The following GPATCH2L variants were observed in gnomAD, a reference collection of about 807,000 sequenced individuals.
The protein encoded by GPATCH2L is G-patch domain containing 2 like, also known as G patch domain-containing protein 2-like.
In GPATCH2L, 31 loss-of-function variants were observed where a neutral mutation model predicts 57.4. That is an observed-to-expected ratio of 0.54 (90% CI 0.41 to 0.73). The LOEUF (loss-of-function observed/expected upper bound fraction) is 0.73. Among genes scored for constraint, GPATCH2L ranks in the 30% least tolerant of loss-of-function variants. GPATCH2L has a pLI of 0.00. For missense variants in GPATCH2L, 481 were observed against 599.9 expected, an observed-to-expected ratio of 0.80 and a Z score of 2.07; for synonymous variants, 199 against 210.7, an observed-to-expected ratio of 0.94 and a Z score of 0.48.
chr14:76,170,707 A>C (rs1330500485), intron 3 of GPATCH2L: 1 of 152,220 alleles, frequency 6.6e-6, no homozygotes, highest in Non-Finnish European at 1.5e-5. Context: ...AAAGGCAAAT[A>C]TAGCAAGAAA....
At chr14:76,192,609 G>A (rs1308025800) in intron 8 of GPATCH2L, among the ~76,000 whole-genome samples, 3 of 152,052 alleles carry the variant, frequency 2.0e-5, no homozygotes, top group African/African-American at 7.2e-5. Context: ...GATAGGACTT[G>A]GCTATAAGAT....
In GPATCH2L at chr14:76,154,959, G is replaced by A; in HGVS notation, c.596G>A (p.Arg199Lys). The part of the protein sequence containing the change: ...ENRTFLSKTG[R>K]KERMECETDE... ...AGGACTTTCCTAAGCAAAACAGGAA[G>A]GAAAGAAAGGATGGAGTGTGAAACA... Residue 199 changes from arginine (R) to lysine (K), a missense_variant, in exon 2 of 10, where the codon AGG becomes AAG. Around this residue, in one of 3 missense-constraint regions of GPATCH2L, gnomAD observed 208 missense variants for 272.4 expected, o/e 0.76. Transcript: ENST00000261530. The surrounding 1 kb of genome is among the most constrained non-coding windows in gnomAD (Gnocchi z 4.4). The A allele has an allele frequency of 6.2e-7, 1 of 1,614,056 alleles. No homozygotes were observed. Among genetic ancestry groups the A allele is most frequent in the Non-Finnish European group, 8.5e-7 (1 of 1,180,008 alleles).
At chr14:76,231,962 A>ACC (rs1229260053) in intron 2 of GPATCH2L, among the ~76,000 whole-genome samples, 1 of 602 alleles carries the variant, frequency 1.7e-3, no homozygotes. Context: ...GGGCAAACAC[A>ACC]TCTCACTGCA....
Position 76,154,613 on chromosome 14 carries a change from A to G in GPATCH2L, c.250A>G (p.Asn84Asp), listed in dbSNP as rs898517260. 1 of 1,614,066 alleles carries G rather than the reference A, an allele frequency of 6.2e-7. No homozygotes were observed. Among genetic ancestry groups the G allele is most frequent in the Non-Finnish European group, 8.5e-7 (1 of 1,180,042 alleles). Residue 84 changes from asparagine to aspartate, a missense_variant, in exon 2 of 10, where the codon AAT becomes GAT. Transcript: ENST00000261530. The surrounding 1 kb of genome is among the most constrained non-coding windows in gnomAD (Gnocchi z 4.4). ...KDCREVAPVT[N>D]FSDSDDTMVA... ...CTGTCGAGAAGTGGCTCCGGTGACC[A>G]ATTTTAGTGACTCTGATGACACAAT...
In GPATCH2L at chr14:76,203,903, A is replaced by G. The variant is rs2040346570; in HGVS notation, c.*2052A>G. The G allele has an allele frequency of 6.6e-6, 1 of 152,236 alleles. No individual in the cohort carries two copies. Among genetic ancestry groups the G allele is most frequent in the Non-Finnish European group, 1.5e-5 (1 of 68,046 alleles). 9.4% of individuals were successfully genotyped at this position (152,236 alleles called of 1,614,324 possible). ...TATGACTCATGCAGTGATTGGTCCC[A>G]TGATCATGGCCTATTAGTGAAAACC... On this transcript the variant is annotated 3_prime_UTR_variant, in exon 10 of 10. Transcript: ENST00000261530.
intron 2 of GPATCH2L, among the ~76,000 whole-genome samples, chr14:76,162,290 C>A (rs1285685584): frequency 1.3e-5 from 2 of 152,194 alleles, no homozygotes; most frequent in Non-Finnish European, 2.9e-5. Context: ...TCCCTTTTCA[C>A]ATGGGCCTCT....
rs1442701248 is a variant in GPATCH2L, at chr14:76,210,335, G to C, written c.*8484G>C. On this transcript the variant is annotated 3_prime_UTR_variant, in exon 10 of 10. Transcript: ENST00000261530. ...TCAGTCAAGATTCAGATTCAAGTCT[G>C]ATGTTAAAGAGTGTCTGTTCCCAAT... 6.6e-6 allele frequency: 1 copy of C among 152,218 alleles called. No individual in the cohort carries two copies. The highest frequency in any genetic ancestry group is 1.5e-5 in the Non-Finnish European group (1 of 68,040). The allele number at this position is 152,218 out of a possible 1,614,324, so 9.4% of individuals were successfully genotyped here.
intron 8 of GPATCH2L, among the ~76,000 whole-genome samples, chr14:76,186,442 T>G (rs1341203580): frequency 6.6e-6 from 1 of 152,184 alleles, no homozygotes; most frequent in East Asian, 1.9e-4. Context: ...GCTATTAATT[T>G]TGACCTTTGG....
chr14:76,180,902 T>C, intron 8 of GPATCH2L, 53 bp downstream of exon 8: 1 of 1,033,776 alleles, frequency 9.7e-7, no homozygotes, highest in Non-Finnish European at 1.5e-6. Context: ...TATATTCCTT[T>C]CTATTACCCC....
intron 2 of GPATCH2L, among the ~76,000 whole-genome samples, chr14:76,156,955 A>C (rs1220595995): frequency 6.6e-6 from 1 of 152,202 alleles, no homozygotes; most frequent in Admixed American, 6.5e-5. Context: ...GAGTCTGGAT[A>C]ACTTAAGTGG....
intron 9 of GPATCH2L, among the ~76,000 whole-genome samples, chr14:76,199,540 T>G (rs190881237): frequency 6.6e-6 from 1 of 152,210 alleles, no homozygotes. Flanking sequence ...ACATTTGGAT[T>G]GTATTCCTGT....
chr14:76,170,728 A>G (rs2039046355), intron 3 of GPATCH2L: 3 of 152,214 alleles, frequency 2.0e-5, no homozygotes, highest in Admixed American at 2.0e-4. Flanking sequence ...TCCCTCAGGT[A>G]TAGCTAGCTT....
chr14:76,192,347 C>T (rs771194298), intron 8 of GPATCH2L, among the ~76,000 whole-genome samples: 1 of 152,100 alleles, frequency 6.6e-6, no homozygotes, highest in Non-Finnish European at 1.5e-5. Context: ...GATCATTTCT[C>T]TTCTTCCCTC....
chr14:76,231,138 C>G (rs1216695890), intron 2 of GPATCH2L, among the ~76,000 whole-genome samples: 1 of 152,204 alleles, frequency 6.6e-6, no homozygotes, highest in Non-Finnish European at 1.5e-5. Flanking sequence ...CTGCCAATAA[C>G]AGAAGCCCGT....
intron 7 of GPATCH2L, chr14:76,179,522 C>T (rs2039475674): frequency 6.6e-6 from 1 of 152,192 alleles, no homozygotes; most frequent in African/African-American, 2.4e-5. Flanking sequence ...CCGTTATTTG[C>T]AAATGACGAA....
Position 76,166,637 on chromosome 14 carries a change from T to A in GPATCH2L, c.663-26T>A, listed in dbSNP as rs150810933. 8.0e-4 allele frequency: 1,244 copies of A among 1,546,110 alleles called. 8 individuals are homozygous for A. The African/African-American group carries it at 0.014, about 18-fold the overall frequency. On this transcript the variant is annotated intron_variant, in intron 2 of 9. Transcript: ENST00000261530. ...TTGTTTTTGACTGGAGCTGATGAGT[T>A]CTCTTGTGTTTTACTCTTTTTACAG...
At position 76,194,097 on chromosome 14, in the gene GPATCH2L, C is replaced by T. The variant is rs916489571; in HGVS notation, c.1194-1781C>T. Reference sequence around the variant, plus strand: ...CCACCACTCCGTTCAGACTGAAGTCCTGTCTCCCTTTGATGTTGTCACCTG... The same window carrying T: ...CCACCACTCCGTTCAGACTGAAGTCTTGTCTCCCTTTGATGTTGTCACCTG... On this transcript the variant is annotated intron_variant, in intron 8 of 9. Coordinates refer to ENST00000261530, the MANE Select transcript of GPATCH2L (RefSeq NM_017926.4). 2.0e-5 allele frequency among the ~76,000 whole-genome samples: 3 copies of T among 152,108 alleles called. No homozygotes were observed. The South Asian group carries it at 6.2e-4, about 31-fold the overall frequency.
At chr14:76,185,957 T>C (rs2039750194) in intron 8 of GPATCH2L, among the ~76,000 whole-genome samples, 1 of 152,134 alleles carries the variant, frequency 6.6e-6, no homozygotes, top group African/African-American at 2.4e-5. Context: ...GGCAAATGAC[T>C]TAATCTTCCC....
chr14:76,156,200 C>T (rs2139548271), intron 2 of GPATCH2L, among the ~76,000 whole-genome samples: 1 of 152,316 alleles, frequency 6.6e-6, no homozygotes, highest in East Asian at 1.9e-4. Context: ...CCATGTTGTG[C>T]TGCCCTTTGA....
Sources: allele counts gnomAD v4.1 joint callset (sites outside exome capture counted in the v4.1 genomes callset), GRCh38; gene constraint gnomAD v4.1.1; regional missense constraint gnomAD v4.1.1; non-coding constraint Gnocchi (gnomAD v3.1); transcripts MANE v1.5; gene names NCBI Gene and HGNC (gene_info 2026-07-23, HGNC 2026-07-21).